Variants in ABCC4 observed in about 807,000 individuals in gnomAD.
ABCC4 encodes the protein ATP-binding cassette sub-family C member 4.
In ABCC4, 102 loss-of-function variants were observed where a neutral mutation model predicts 168.5. The ratio of observed to expected loss-of-function variants is 0.61; its 90% CI spans 0.52 to 0.71. ABCC4 has a LOEUF of 0.71. Among genes scored for constraint, ABCC4 ranks in the 30% least tolerant of loss-of-function variants. ABCC4 has a pLI of 0.00. For synonymous variants in ABCC4, 617 were observed against 590.7 expected (o/e 1.04, Z -0.65); for missense variants, 1,402 against 1,605.8 (o/e 0.87, Z 2.17).
At chr13:95,186,068 G>C (rs902106172) in intron 11 of ABCC4, among the ~76,000 whole-genome samples, 1 of 151,884 alleles carries the variant, frequency 6.6e-6, no homozygotes, top group Non-Finnish European at 1.5e-5. Context: ...GACATCTTCC[G>C]GAGTCTGACG....
At position 95,116,132 on chromosome 13, in the gene ABCC4, G is replaced by A. The variant is rs989435230; in HGVS notation, c.2456-131C>T. 8 of 571,178 alleles carry A rather than the reference G, an allele frequency of 1.4e-5. No individual in the cohort carries two copies. The South Asian group carries it at 2.0e-4, about 14-fold the overall frequency. The allele number at this position is 571,178 out of a possible 1,614,324, so 35.4% of individuals were successfully genotyped here. A position where few individuals can be genotyped will look rare whatever the true frequency, so the allele number is the denominator to read the frequency against. On this transcript the variant is annotated intron_variant, in intron 19 of 30. Coordinates refer to ENST00000645237, the MANE Select transcript of ABCC4 (RefSeq NM_005845.5). ...ATATATTATTCATATGAAATAAGCCGATGTCAGTGGTAAAGAAAAAGAAAA... is the reference window on the plus strand; with the variant it reads ...ATATATTATTCATATGAAATAAGCCAATGTCAGTGGTAAAGAAAAAGAAAA...
At chr13:95,150,104 G>A (rs2036624844) in intron 19 of ABCC4, among the ~76,000 whole-genome samples, 1 of 152,118 alleles carries the variant, frequency 6.6e-6, no homozygotes, top group African/African-American at 2.4e-5. Flanking sequence ...CTCACGAGGA[G>A]CCGGTACTAT....
At chr13:95,207,659 C>A in intron 7 of ABCC4, 141 bp downstream of exon 7, 1 of 817,904 alleles carries the variant, frequency 1.2e-6, no homozygotes, top group Non-Finnish European at 1.9e-6. Flanking sequence ...TTCTACTTAA[C>A]CCAACTGCCA....
chr13:95,301,284 TG>T lies in ABCC4; in HGVS notation c.30del (p.Asn11ThrfsTer29). MLPVYQEVK[P>X]NPLQDANLCS... is the part of the protein sequence containing the mutation. ...CAGAGGTTCGCGTCCTGCAGCGGGTTGGGCTTCACCTCCTGGTACACGGGCA... is the reference window on the plus strand; with the variant it reads ...CAGAGGTTCGCGTCCTGCAGCGGGTTGGCTTCACCTCCTGGTACACGGGCA... On this transcript the variant is annotated frameshift_variant, in exon 1 of 31. Coordinates refer to ENST00000645237, the MANE Select transcript of ABCC4 (RefSeq NM_005845.5). LOFTEE classifies it high-confidence loss of function. 1 of 1,595,712 alleles carries T rather than the reference TG, an allele frequency of 6.3e-7. No homozygotes were observed. The highest frequency in any genetic ancestry group is 8.5e-7 in the Non-Finnish European group (1 of 1,171,810).
chr13:95,074,281 G>T lies in ABCC4; in HGVS notation c.2850C>A (p.Val950=). 1 of 1,613,952 alleles carries T rather than the reference G, an allele frequency of 6.2e-7. No individual in the cohort carries two copies. Among genetic ancestry groups the T allele is most frequent in the South Asian group, 1.1e-5 (1 of 90,974 alleles). ...ACATGGCACAGATGGCATCCAGACG[G>T]ACGGCAAACCAGCGGGACGTTGTCA... ...LFLTTSRWFA[V]RLDAICAMFV... is the part of the protein sequence containing the mutation. The change falls in exon 23 of 31, where the codon GTC becomes GTA. Residue 950 remains valine, a synonymous_variant. Coordinates refer to ENST00000645237, the MANE Select transcript of ABCC4 (RefSeq NM_005845.5).
chr13:95,176,482 G>A (rs1255811929), intron 13 of ABCC4, among the ~76,000 whole-genome samples: 1 of 152,068 alleles, frequency 6.6e-6, no homozygotes, highest in Non-Finnish European at 1.5e-5. Flanking sequence ...GCAACAGAGC[G>A]AGATCCTATC....
chr13:95,153,427 C>T (rs948732098), intron 19 of ABCC4, among the ~76,000 whole-genome samples: 5 of 152,022 alleles, frequency 3.3e-5, no homozygotes, highest in South Asian at 2.1e-4. Context: ...ACCATAGCCA[C>T]GGACATTAGA....
At chr13:95,064,987 C>T (rs991751732) in intron 25 of ABCC4, among the ~76,000 whole-genome samples, 5 of 152,180 alleles carry the variant, frequency 3.3e-5, no homozygotes, top group South Asian at 2.1e-4. Context: ...GTTTCCCCAA[C>T]TGGGCCAAGA....
At chr13:95,075,064 C>A in intron 22 of ABCC4, 1 of 193,978 alleles carries the variant, frequency 5.2e-6, no homozygotes, top group Non-Finnish European at 1.1e-5. Context: ...GTATTGACAT[C>A]TGCTTTTGTG....
At position 95,137,181 on chromosome 13, in the gene ABCC4, C is replaced by T. The variant is rs983292121; in HGVS notation, c.2456-21180G>A. ...TGGAAGTAGGAAAATGTCTATTGGC[C>T]GCTTTCATAACACTTTCCAATGATG... is the stretch of plus-strand genomic sequence containing the variant. On this transcript the variant is annotated intron_variant, in intron 19 of 30. Coordinates refer to ENST00000645237, the MANE Select transcript of ABCC4 (RefSeq NM_005845.5). Among the ~76,000 whole-genome samples the T allele has an allele frequency of 4.6e-5, 7 of 152,176 alleles. No homozygotes were observed. In the South Asian group the frequency reaches 6.2e-4, roughly 13 times the overall value.
chr13:95,041,774 G>A lies in ABCC4; in HGVS notation c.3735+1908C>T, dbSNP rs561053297. On this transcript the variant is annotated intron_variant, in intron 29 of 30. Transcript: ENST00000645237. ...TGTTCCCCCGAATTGAAAGCTGGCT[G>A]ATGATCAGAAGCTCTAGAATACAGG... is the stretch of plus-strand genomic sequence containing the variant. Among the ~76,000 whole-genome samples, 6 of 152,328 alleles carry A rather than the reference G, an allele frequency of 3.9e-5. No individual in the cohort carries two copies. In the East Asian group the frequency reaches 1.2e-3, roughly 29 times the overall value.
chr13:95,129,793 G>T (rs2035897630), intron 19 of ABCC4, among the ~76,000 whole-genome samples: 1 of 152,026 alleles, frequency 6.6e-6, no homozygotes, highest in South Asian at 2.1e-4. Flanking sequence ...ACAGAAAACA[G>T]GCCAGGCGCA....
At position 95,147,599 on chromosome 13, in the gene ABCC4, T is replaced by C. The variant is rs551912001; in HGVS notation, c.2455+13590A>G. On this transcript the variant is annotated intron_variant, in intron 19 of 30. Transcript: ENST00000645237. ...CAACTTTAACTTTCACTTGTGAAAT[T>C]TGTCATTTTTCATGCTTTTTGAAAA... Among the ~76,000 whole-genome samples, 130 of 152,310 alleles carry C rather than the reference T, an allele frequency of 8.5e-4. 3 individuals are homozygous for C. The highest frequency in any genetic ancestry group is 4.1e-4 in the South Asian group (2 of 4,828).
intron 1 of ABCC4, among the ~76,000 whole-genome samples, chr13:95,249,894 T>C (rs928107502): frequency 2.0e-5 from 3 of 152,114 alleles, no homozygotes; most frequent in Non-Finnish European, 4.4e-5. Flanking sequence ...CATTTAGAAA[T>C]ATTAACAAGG....
chr13:95,267,660 C>T (rs1161795827), intron 1 of ABCC4, among the ~76,000 whole-genome samples: 1 of 152,138 alleles, frequency 6.6e-6, no homozygotes, highest in Non-Finnish European at 1.5e-5. Context: ...ATCCCTGGTT[C>T]TTCTAAATCC....
intron 4 of ABCC4, among the ~76,000 whole-genome samples, chr13:95,225,147 TCTCTCTCACACACACACACACACACACA>T (rs1201727488): frequency 1.6e-4 from 16 of 100,700 alleles, no homozygotes; most frequent in Non-Finnish European, 2.4e-4. Flanking sequence ...TCTGTCTCTC[TCTCTCTCACACACACACACACACACACA>T]CACACACACA....
At chr13:95,070,508 G>A (rs1308354109) in intron 25 of ABCC4, among the ~76,000 whole-genome samples, 1 of 152,192 alleles carries the variant, frequency 6.6e-6, no homozygotes, top group African/African-American at 2.4e-5. Context: ...CAGGACACAT[G>A]TGAAAGGGAC....
intron 30 of ABCC4, among the ~76,000 whole-genome samples, chr13:95,029,186 A>ATC (rs1566355143): frequency 3.1e-4 from 18 of 57,744 alleles, no homozygotes; most frequent in African/African-American, 1.3e-3. Context: ...ATATATATAT[A>ATC]TATATATATA....
At chr13:95,148,162 A>C (rs545327698) in intron 19 of ABCC4, among the ~76,000 whole-genome samples, 19 of 152,332 alleles carry the variant, frequency 1.2e-4, no homozygotes, top group Middle Eastern at 3.4e-3. Context: ...CAAAAAAATC[A>C]ATTTTTAGCT....
Sources: gnomAD v4.1 joint callset for allele counts (sites outside exome capture counted in the v4.1 genomes callset) on GRCh38, gnomAD v4.1.1 for gene constraint, MANE v1.5 for transcripts, NCBI Gene and HGNC (gene_info 2026-07-23, HGNC 2026-07-21) for gene names.